GRIA4: variants seen among roughly 807,000 people sequenced by gnomAD.
GRIA4 encodes the protein glutamate receptor 4.
In GRIA4, 34 loss-of-function variants were observed where a neutral mutation model predicts 104.0. The ratio of observed to expected loss-of-function variants is 0.33; its 90% confidence interval spans 0.25 to 0.44. The LOEUF is 0.44. GRIA4 is among the 20% of genes least tolerant of loss of function. GRIA4 has a pLI of 1.00. For synonymous variants in GRIA4, 386 were observed against 381.9 expected (o/e 1.01, Z -0.13); for missense variants, 750 against 1,096.5 (o/e 0.68, Z 4.46).
intron 14 of GRIA4, among the ~76,000 whole-genome samples, chr11:105,964,286 G>A (rs556692263): frequency 6.6e-6 from 1 of 152,240 alleles, no homozygotes; most frequent in Admixed American, 6.5e-5. Flanking sequence ...CAGTAAATGG[G>A]CAGTCTAATT....
At chr11:105,919,662 G>A (rs1565342436) in intron 11 of GRIA4, among the ~76,000 whole-genome samples, 1 of 152,082 alleles carries the variant, frequency 6.6e-6, no homozygotes. Context: ...CAAGATCAAT[G>A]TCTTCAGCTA....
At chr11:105,650,901 C>T (rs1423267966) in intron 3 of GRIA4, among the ~76,000 whole-genome samples, 1 of 152,130 alleles carries the variant, frequency 6.6e-6, no homozygotes, top group African/African-American at 2.4e-5. Context: ...CTCTAACAGG[C>T]CCCTCTTCTA....
chr11:105,946,585 C>CA (rs1423227283), intron 14 of GRIA4, among the ~76,000 whole-genome samples: 2 of 150,148 alleles, frequency 1.3e-5, no homozygotes, highest in Admixed American at 1.3e-4. Flanking sequence ...GACCCTGTCT[C>CA]AAAAAAAATA....
At chr11:105,866,429 TTGTGTGTGTGTGTTTG>T in intron 5 of GRIA4, among the ~76,000 whole-genome samples, 1 of 150,758 alleles carries the variant, frequency 6.6e-6, no homozygotes, top group Middle Eastern at 3.4e-3. Context: ...CCCCACTGTG[TTGTGTGTGTGTGTTTG>T]TGTGTGTGTG....
At chr11:105,702,663 T>C (rs1479809007) in intron 3 of GRIA4, among the ~76,000 whole-genome samples, 1 of 149,812 alleles carries the variant, frequency 6.7e-6, no homozygotes, top group Non-Finnish European at 1.5e-5. Flanking sequence ...ACACATGCAA[T>C]CTTATAAGAT....
chr11:105,961,653 T>C (rs1334980378), intron 14 of GRIA4, among the ~76,000 whole-genome samples: 1 of 152,186 alleles, frequency 6.6e-6, no homozygotes, highest in Non-Finnish European at 1.5e-5. Flanking sequence ...AAACCTGCAA[T>C]CTAAAACATT....
intron 4 of GRIA4, among the ~76,000 whole-genome samples, chr11:105,794,473 G>GTGTA (rs1555010324): frequency 1.4e-4 from 6 of 43,918 alleles, no homozygotes; most frequent in South Asian, 7.9e-4. Flanking sequence ...GTATATGTAT[G>GTGTA]TATATATATA....
At chr11:105,878,741 C>T (rs1191984534) in intron 5 of GRIA4, among the ~76,000 whole-genome samples, 2 of 152,170 alleles carry the variant, frequency 1.3e-5, no homozygotes, top group Non-Finnish European at 2.9e-5. Context: ...GCCCTTCCCT[C>T]CACCAAGCTG....
chr11:105,965,907 G>C (rs1367253363), intron 14 of GRIA4: 1 of 1,327,664 alleles, frequency 7.5e-7, no homozygotes, highest in Non-Finnish European at 1.1e-6. Context: ...CATCTTAACA[G>C]CTGTGCAGTT....
chr11:105,655,607 G>T (rs565376926), intron 3 of GRIA4, among the ~76,000 whole-genome samples: 49 of 152,112 alleles, frequency 3.2e-4, no homozygotes, highest in East Asian at 3.9e-4. Flanking sequence ...TCCTGTGTTA[G>T]TTTGCTGAGA....
intron 5 of GRIA4, among the ~76,000 whole-genome samples, chr11:105,864,033 GTTTCT>G (rs1447648667): frequency 2.0e-5 from 3 of 151,968 alleles, no homozygotes; most frequent in African/African-American, 7.3e-5. Flanking sequence ...ATTCTAAAAG[GTTTCT>G]TTTCTATCAT....
chr11:105,949,072 G>A (rs1948401156), intron 14 of GRIA4, among the ~76,000 whole-genome samples: 1 of 152,114 alleles, frequency 6.6e-6, no homozygotes, highest in Non-Finnish European at 1.5e-5. Context: ...TTGTCTGGCT[G>A]CATAAAGTGA....
intron 7 of GRIA4, among the ~76,000 whole-genome samples, chr11:105,903,446 C>T (rs1001494831): frequency 1.3e-5 from 2 of 152,126 alleles, no homozygotes; most frequent in Non-Finnish European, 2.9e-5. Context: ...CCACAGAAAC[C>T]GACTACAAGG....
chr11:105,826,791 C>T (rs1943785824), intron 4 of GRIA4, among the ~76,000 whole-genome samples: 1 of 151,934 alleles, frequency 6.6e-6, no homozygotes, highest in Non-Finnish European at 1.5e-5. Flanking sequence ...GTTGGGTCTA[C>T]GAACATCCAA....
chr11:105,843,762 A>G (rs1009348730), intron 4 of GRIA4, among the ~76,000 whole-genome samples: 1 of 152,204 alleles, frequency 6.6e-6, no homozygotes, highest in Non-Finnish European at 1.5e-5. Context: ...CCTCAGAAGC[A>G]TAGATATTGA....
intron 14 of GRIA4, among the ~76,000 whole-genome samples, chr11:105,938,755 T>C (rs780628076): frequency 2.0e-5 from 3 of 152,104 alleles, no homozygotes; most frequent in Non-Finnish European, 4.4e-5. Flanking sequence ...AGCTACCTAG[T>C]TTGCTATTAA....
At chr11:105,877,687 C>T (rs967765969) in intron 5 of GRIA4, among the ~76,000 whole-genome samples, 3 of 152,122 alleles carry the variant, frequency 2.0e-5, no homozygotes, top group Non-Finnish European at 2.9e-5. Flanking sequence ...CCTTTCTTCT[C>T]CATGATCAAT....
At chr11:105,832,341 C>T (rs969725877) in intron 4 of GRIA4, among the ~76,000 whole-genome samples, 1 of 151,306 alleles carries the variant, frequency 6.6e-6, no homozygotes, top group Non-Finnish European at 1.5e-5. Context: ...TGAGGGTCTC[C>T]CAGAGACAAG....
intron 3 of GRIA4, among the ~76,000 whole-genome samples, chr11:105,686,366 C>G (rs1286516023): frequency 6.6e-6 from 1 of 152,300 alleles, no homozygotes; most frequent in South Asian, 2.1e-4. Flanking sequence ...AAGCTAGTGG[C>G]TTCCAGCTGC....
Sources: gnomAD v4.1 joint callset for allele counts (sites outside exome capture counted in the v4.1 genomes callset) on GRCh38, gnomAD v4.1.1 for gene constraint, MANE v1.5 for transcripts, NCBI Gene and HGNC (gene_info 2026-07-23, HGNC 2026-07-21) for gene names.